Variants in STAB2 observed in about 807,000 individuals in gnomAD.
The protein encoded by STAB2 is stabilin-2.
STAB2 carries 288 observed loss-of-function variants against 338.1 expected under a neutral mutation model. That is an observed-to-expected ratio of 0.85 (90% CI 0.77 to 0.94). The LOEUF is 0.94. STAB2 is among the 40% of genes least tolerant of loss of function. The pLI, the probability that STAB2 is intolerant of heterozygous loss-of-function variation, is 0.00. For missense variants in STAB2, 3,141 were observed against 3,210.1 expected, an observed-to-expected ratio of 0.98 and a Z score of 0.52; for synonymous variants, 1,202 against 1,193.3, an observed-to-expected ratio of 1.01 and a Z score of -0.15.
intron 21 of STAB2, among the ~76,000 whole-genome samples, chr12:103,670,230 G>C (rs1565999808): frequency 1.3e-5 from 2 of 152,172 alleles, no homozygotes. Flanking sequence ...CTGCGGCCAG[G>C]GGTTAGAAAG....
Position 103,725,520 on chromosome 12 carries a change from G to A in STAB2, c.4803+426G>A, listed in dbSNP as rs757896889. ...AATAGCTCAACCACATTACCATGGC[G>A]TGGATTGCAGTGTGTGCATGTGTGC... On this transcript the variant is annotated intron_variant, in intron 45 of 68. Coordinates refer to ENST00000388887, the MANE Select transcript of STAB2 (RefSeq NM_017564.10). Among the ~76,000 whole-genome samples the A allele has an allele frequency of 3.3e-5, 5 of 152,234 alleles. No individual in the cohort carries two copies. In the East Asian group the frequency reaches 5.8e-4, roughly 18 times the overall value.
intron 12 of STAB2, among the ~76,000 whole-genome samples, chr12:103,653,633 TGG>T: frequency 1.3e-5 from 2 of 148,496 alleles, no homozygotes; most frequent in South Asian, 2.2e-4. Flanking sequence ...GATGGATGGA[TGG>T]ATGGATACAT....
chr12:103,612,951 A>C (rs1037706261), intron 3 of STAB2, among the ~76,000 whole-genome samples: 1 of 152,092 alleles, frequency 6.6e-6, no homozygotes, highest in Non-Finnish European at 1.5e-5. Context: ...CTGGAGGTCC[A>C]CTCCAGATCC....
In STAB2 at chr12:103,695,623, A is replaced by G; in HGVS notation, c.3449A>G (p.Tyr1150Cys). ...LLMRLEQMPD[Y>C]SIFRGYIIQY... ...ATGCGGCTGGAACAGATGCCTGACTATTCCATCTTCCGGGGCTACATCATT... is the reference window on the plus strand; with the variant it reads ...ATGCGGCTGGAACAGATGCCTGACTGTTCCATCTTCCGGGGCTACATCATT... Residue 1150 changes from tyrosine (Y) to cysteine (C), a missense_variant, in exon 32 of 69, where the codon TAT (tyrosine) becomes TGT (cysteine). Physicochemically the swap from Tyr to Cys is radical, Grantham distance 194. Transcript: ENST00000388887. 6.2e-7 allele frequency: 1 copy of G among 1,614,176 alleles called. No homozygotes were observed. The highest frequency in any genetic ancestry group is 1.1e-5 in the South Asian group (1 of 91,082).
At chr12:103,667,205 A>T (rs60636645) in intron 19 of STAB2, among the ~76,000 whole-genome samples, 1 of 152,326 alleles carries the variant, frequency 6.6e-6, no homozygotes, top group African/African-American at 2.4e-5. Context: ...AATTAAATAG[A>T]TGCAGGTGTT....
At chr12:103,744,459 T>C (rs937879403) in intron 56 of STAB2, among the ~76,000 whole-genome samples, 2 of 111,922 alleles carry the variant, frequency 1.8e-5, no homozygotes, top group African/African-American at 6.8e-5. Flanking sequence ...GCCACAATTT[T>C]ACTTTTTTTT....
intron 48 of STAB2, among the ~76,000 whole-genome samples, chr12:103,729,394 G>T (rs1391461196): frequency 6.6e-6 from 1 of 152,034 alleles, no homozygotes; most frequent in African/African-American, 2.4e-5. Context: ...CTTATCCTTA[G>T]GTCCTCTTTC....
At chr12:103,651,375 G>T (rs569503155) in intron 11 of STAB2, among the ~76,000 whole-genome samples, 2 of 149,546 alleles carry the variant, frequency 1.3e-5, no homozygotes, top group East Asian at 2.0e-4. Flanking sequence ...GTGCAGTGGC[G>T]CAATCTCGGC....
chr12:103,589,179 G>A (rs1409912600), intron 1 of STAB2, among the ~76,000 whole-genome samples: 2 of 152,196 alleles, frequency 1.3e-5, no homozygotes, highest in East Asian at 3.8e-4. Flanking sequence ...AAGATGTAAA[G>A]TTTCTTTTTA....
intron 60 of STAB2, among the ~76,000 whole-genome samples, 189 bp from the exon 61 acceptor site, chr12:103,753,031 T>G (rs1396205558): frequency 6.6e-6 from 1 of 152,246 alleles, no homozygotes; most frequent in African/African-American, 2.4e-5. Context: ...AATGAACATA[T>G]GCTAGTTTTA....
chr12:103,757,030 T>C (rs924219104), intron 63 of STAB2, among the ~76,000 whole-genome samples: 3 of 143,072 alleles, frequency 2.1e-5, no homozygotes, highest in Non-Finnish European at 3.0e-5. Context: ...TATATATATA[T>C]AAAATATATA....
intron 2 of STAB2, among the ~76,000 whole-genome samples, chr12:103,594,024 CTG>C (rs1167845876): frequency 6.6e-6 from 1 of 152,064 alleles, no homozygotes; most frequent in Non-Finnish European, 1.5e-5. Flanking sequence ...TCCACACATA[CTG>C]TGCATTTTGT....
intron 18 of STAB2, among the ~76,000 whole-genome samples, chr12:103,664,920 T>C (rs957033110): frequency 1.3e-5 from 2 of 152,194 alleles, no homozygotes; most frequent in African/African-American, 2.4e-5. Context: ...CAGTGATTTA[T>C]GTTTGGTTCA....
chr12:103,704,440 G>C, intron 35 of STAB2, 118 bp from the exon 36 acceptor site: 2 of 905,538 alleles, frequency 2.2e-6, no homozygotes, highest in Non-Finnish European at 3.4e-6. Flanking sequence ...CATTAAAGAG[G>C]CTGCCCAGAT....
intron 18 of STAB2, 29 bp downstream of exon 18, chr12:103,663,027 C>A (rs1362684187): frequency 6.2e-6 from 10 of 1,612,200 alleles, no homozygotes; most frequent in Non-Finnish European, 7.6e-6. Flanking sequence ...TAAGTAAGGG[C>A]CCCAAACAGC....
At chr12:103,738,239 C>A (rs1390575555) in intron 53 of STAB2, among the ~76,000 whole-genome samples, 1 of 152,172 alleles carries the variant, frequency 6.6e-6, no homozygotes, top group African/African-American at 2.4e-5. Context: ...GCCACTCACA[C>A]CTCTATTCAC....
chr12:103,631,501 A>C (rs531410835), intron 5 of STAB2, 97 bp from the exon 6 acceptor site: 19 of 1,186,052 alleles, frequency 1.6e-5, no homozygotes, highest in Non-Finnish European at 2.3e-5. Context: ...AACAACATGC[A>C]GAGTCTCAGC....
At chr12:103,649,355 C>G (rs1319055372) in intron 10 of STAB2, among the ~76,000 whole-genome samples, 1 of 152,182 alleles carries the variant, frequency 6.6e-6, no homozygotes, top group Non-Finnish European at 1.5e-5. Context: ...TCACCTCCAG[C>G]CCCCCAGGCA....
chr12:103,694,313 A>G (rs1878214047), intron 31 of STAB2, among the ~76,000 whole-genome samples: 1 of 152,160 alleles, frequency 6.6e-6, no homozygotes, highest in Non-Finnish European at 1.5e-5. Context: ...ATCAAGTTCT[A>G]TCAGGCCTTC....
Sources: allele counts gnomAD v4.1 joint callset (sites outside exome capture counted in the v4.1 genomes callset), GRCh38; gene constraint gnomAD v4.1.1; transcripts MANE v1.5; gene names NCBI Gene and HGNC (gene_info 2026-07-23, HGNC 2026-07-21).